PRKCB: variants seen among roughly 807,000 people sequenced by gnomAD.
The protein encoded by PRKCB is protein kinase C beta, also known as protein kinase C beta type.
Under a neutral mutation model 81.5 loss-of-function variants are expected in PRKCB, and 13 were observed. That is an observed-to-expected ratio of 0.16 (90% CI 0.10 to 0.25). PRKCB has a LOEUF of 0.25. Among genes scored for constraint, PRKCB ranks in the 10% least tolerant of loss-of-function variants. PRKCB has a pLI of 1.00. For missense variants in PRKCB, 509 were observed against 875.7 expected (o/e 0.58, Z 5.29); for synonymous variants, 335 against 321.4 (o/e 1.04, Z -0.45).
chr16:23,862,852 A>G (rs1371276392), intron 2 of PRKCB, among the ~76,000 whole-genome samples: 1 of 152,094 alleles, frequency 6.6e-6, no homozygotes, highest in Non-Finnish European at 1.5e-5. Flanking sequence ...CCTAGCCTCT[A>G]GATGTCTACA....
chr16:23,950,464 C>T (rs1012032078), intron 2 of PRKCB, among the ~76,000 whole-genome samples: 2 of 152,198 alleles, frequency 1.3e-5, no homozygotes, highest in Non-Finnish European at 2.9e-5. Flanking sequence ...GGTAAGAGCA[C>T]GGGGTTCTGG....
chr16:23,922,681 T>G (rs1490713158), intron 2 of PRKCB, among the ~76,000 whole-genome samples: 2 of 152,344 alleles, frequency 1.3e-5, no homozygotes, highest in African/African-American at 4.8e-5. Context: ...AATGACACCT[T>G]TGCTTTGACA....
chr16:24,175,297 G>A (rs1567402248), intron 12 of PRKCB, among the ~76,000 whole-genome samples: 2 of 151,906 alleles, frequency 1.3e-5, no homozygotes, highest in Admixed American at 6.6e-5. Flanking sequence ...GCATGGGTGG[G>A]GGTCTATTTC....
chr16:24,162,442 CTTTTTTTTTTTT>C (rs564543744), intron 10 of PRKCB, among the ~76,000 whole-genome samples: 1 of 68,602 alleles, frequency 1.5e-5, no homozygotes, highest in Admixed American at 1.6e-4. Context: ...ACAGAGAAGA[CTTTTTTTTTTTT>C]TTTTTTTTTT....
chr16:24,010,910 C>T lies in PRKCB; in HGVS notation c.289-21226C>T, dbSNP rs144491645. Among the ~76,000 whole-genome samples, 196 of 152,248 alleles carry T rather than the reference C, an allele frequency of 1.3e-3. 1 individual carries two copies. Among genetic ancestry groups the T allele is most frequent in the African/African-American group, 4.5e-3 (187 of 41,538 alleles). ...TTGATACAAGGTCTCACTGTGTTGCCTACGAGTGCAATGGTACCATCACGG... is the reference window on the plus strand; with the variant it reads ...TTGATACAAGGTCTCACTGTGTTGCTTACGAGTGCAATGGTACCATCACGG... On this transcript the variant is annotated intron_variant, in intron 3 of 16. Coordinates refer to ENST00000643927, the MANE Select transcript of PRKCB (RefSeq NM_002738.7).
intron 2 of PRKCB, among the ~76,000 whole-genome samples, chr16:23,913,549 T>C (rs1330825643): frequency 1.3e-5 from 2 of 152,186 alleles, no homozygotes; most frequent in African/African-American, 2.4e-5. Context: ...AAAGCCAAGC[T>C]AGTCATTTCT....
intron 5 of PRKCB, among the ~76,000 whole-genome samples, chr16:24,070,147 A>AT (rs761693030): frequency 0.095 from 12,844 of 134,922 alleles, 888 homozygotes; most frequent in African/African-American, 0.18. Flanking sequence ...AAACCAGGGG[A>AT]TTTTTTTTTT....
At chr16:23,950,519 G>A (rs527549706) in intron 2 of PRKCB, among the ~76,000 whole-genome samples, 2 of 152,350 alleles carry the variant, frequency 1.3e-5, no homozygotes, top group South Asian at 4.1e-4. Flanking sequence ...CCGTGGACAA[G>A]CTGTGTGGCC....
At chr16:24,154,590 C>G in intron 9 of PRKCB, 94 bp from the exon 10 acceptor site, 4 of 1,278,076 alleles carry the variant, frequency 3.1e-6, no homozygotes, top group Non-Finnish European at 4.4e-6. Context: ...GGCACCTATA[C>G]AAAGCTAAGT....
chr16:23,875,603 ATG>A (rs1962991702), intron 2 of PRKCB, among the ~76,000 whole-genome samples: 1 of 146,946 alleles, frequency 6.8e-6, no homozygotes, highest in East Asian at 2.0e-4. Context: ...ACACATATGT[ATG>A]TATATCACAC....
intron 5 of PRKCB, among the ~76,000 whole-genome samples, chr16:24,053,538 A>G (rs1249198776): frequency 6.6e-6 from 1 of 152,214 alleles, no homozygotes; most frequent in Non-Finnish European, 1.5e-5. Context: ...AAATAAGTAA[A>G]ATACGAACAG....
intron 2 of PRKCB, among the ~76,000 whole-genome samples, chr16:23,902,737 CCTTCCTTCCTT>C (rs1567307901): frequency 0.051 from 982 of 19,140 alleles, 90 homozygotes; most frequent in African/African-American, 0.17. Flanking sequence ...TTCCTCCCTT[CCTTCCTTCCTT>C]CCTTCCTTCC....
At chr16:23,966,266 T>C (rs1054406664) in intron 2 of PRKCB, among the ~76,000 whole-genome samples, 1 of 152,174 alleles carries the variant, frequency 6.6e-6, no homozygotes, top group Non-Finnish European at 1.5e-5. Flanking sequence ...CCCTGGAGAC[T>C]TTATTGCCTT....
At chr16:24,187,074 C>A (rs557488895) in intron 15 of PRKCB, among the ~76,000 whole-genome samples, 1 of 151,314 alleles carries the variant, frequency 6.6e-6, no homozygotes, top group Non-Finnish European at 1.5e-5. Context: ...AGGGTGGGGG[C>A]GGGTAGAGAG....
intron 2 of PRKCB, among the ~76,000 whole-genome samples, chr16:23,959,002 C>G (rs1294878889): frequency 1.3e-5 from 2 of 152,192 alleles, no homozygotes; most frequent in African/African-American, 2.4e-5. Context: ...TTCTTCACCT[C>G]AATTTCTCCA....
At chr16:24,044,361 C>CA (rs1168080642) in intron 5 of PRKCB, among the ~76,000 whole-genome samples, 12 of 150,156 alleles carry the variant, frequency 8.0e-5, no homozygotes, top group South Asian at 6.4e-4. Flanking sequence ...GACTCTGTCT[C>CA]AAAAAAAAGA....
intron 2 of PRKCB, among the ~76,000 whole-genome samples, chr16:23,896,742 T>G (rs1963384548): frequency 6.6e-6 from 1 of 152,156 alleles, no homozygotes; most frequent in Non-Finnish European, 1.5e-5. Flanking sequence ...TTCATAGAAA[T>G]TATTTTTAAA....
intron 2 of PRKCB, among the ~76,000 whole-genome samples, chr16:23,950,552 C>T (rs914642927): frequency 2.0e-5 from 3 of 152,178 alleles, no homozygotes; most frequent in Non-Finnish European, 4.4e-5. Flanking sequence ...ATTAACCTCT[C>T]TGAGTTCCTT....
intron 8 of PRKCB, among the ~76,000 whole-genome samples, chr16:24,123,362 G>C (rs182068): frequency 0.48 from 73,355 of 151,996 alleles, 18,901 homozygotes; most frequent in East Asian, 0.77. Flanking sequence ...GATGGAGCTG[G>C]AAAGCCAGGT....
Sources: allele counts gnomAD v4.1 joint callset (sites outside exome capture counted in the v4.1 genomes callset), GRCh38; gene constraint gnomAD v4.1.1; transcripts MANE v1.5; gene names NCBI Gene and HGNC (gene_info 2026-07-23, HGNC 2026-07-21).